The following SLC12A5 variants were observed in gnomAD, a reference collection of about 807,000 sequenced individuals.
The protein encoded by SLC12A5 is solute carrier family 12 member 5, also known as K-Cl cotransporter 2.
SLC12A5 carries 18 observed loss-of-function variants against 124.0 expected under a neutral mutation model. The observed-to-expected ratio is 0.15, with a 90% CI of 0.10 to 0.22. The LOEUF (loss-of-function observed/expected upper bound fraction) is 0.22, where lower values mean the gene tolerates loss of function less well. Among genes scored for constraint, SLC12A5 ranks in the 10% least tolerant of loss-of-function variants. The pLI, the probability that SLC12A5 is intolerant of heterozygous loss-of-function variation, is 1.00. For synonymous variants in SLC12A5, 589 were observed against 568.0 expected, an observed-to-expected ratio of 1.04 and a Z score of -0.53; for missense variants, 867 against 1,478.7, an observed-to-expected ratio of 0.59 and a Z score of 6.78.
At position 46,059,924 on chromosome 20, in the gene SLC12A5, C is replaced by T; in HGVS notation, c.*2319C>T. ...AAATCAAGAGTATTTATTACTATTA[C>T]TGCTATTATTATTAGGCCTGCCTTT... On this transcript the variant is annotated 3_prime_UTR_variant, in exon 26 of 26. Coordinates refer to ENST00000243964, the MANE Select transcript of SLC12A5 (RefSeq NM_020708.5). 6.4e-6 allele frequency: 2 copies of T among 312,590 alleles called. No homozygotes were observed. Among genetic ancestry groups the T allele is most frequent in the Non-Finnish European group, 1.2e-5 (2 of 172,090 alleles). 19.4% of individuals were successfully genotyped at this position (312,590 alleles called of 1,614,324 possible).
chr20:46,037,153 G>A, intron 5 of SLC12A5, 102 bp from the exon 6 acceptor site: 1 of 1,477,238 alleles, frequency 6.8e-7, no homozygotes, highest in East Asian at 2.3e-5. Flanking sequence ...AGCCTGTGAG[G>A]CCTGGAGCAA....
In SLC12A5 at chr20:46,058,828, C is replaced by T; in HGVS notation, c.*1223C>T. The T allele has an allele frequency of 2.5e-6, 1 of 397,880 alleles. No individual in the cohort carries two copies. The highest frequency in any genetic ancestry group is 3.6e-5 in the East Asian group (1 of 28,066). 24.6% of individuals were successfully genotyped at this position (397,880 alleles called of 1,614,324 possible). A position where few individuals can be genotyped will look rare whatever the true frequency, so the allele number is the denominator to read the frequency against. On this transcript the variant is annotated 3_prime_UTR_variant, in exon 26 of 26. Coordinates refer to ENST00000243964, the MANE Select transcript of SLC12A5 (RefSeq NM_020708.5). The surrounding 1 kb of genome is among the most constrained non-coding windows in gnomAD (Gnocchi z 5.8). ...ATGTTCCTCCCCCGTCCCCATCTGG[C>T]AGCTCCTGTCTCGCCTGAGGGACCC...
rs1397856493 is a variant in SLC12A5 at position 46,045,668 on chromosome 20, A to C, written c.1570-210A>C. ...CCCCTCTAGGGATCATTTGAACTTC[A>C]TGGCACTGGGGTGCCGATCTCAGGG... On this transcript the variant is annotated intron_variant, in intron 12 of 25. Transcript: ENST00000243964. This position sits in a 1 kb window ranked among gnomAD's most constrained non-coding sequence, Gnocchi z 4.9. Among the ~76,000 whole-genome samples, 1 of 152,066 alleles carries C rather than the reference A, an allele frequency of 6.6e-6. No individual in the cohort carries two copies. Among genetic ancestry groups the C allele is most frequent in the Non-Finnish European group, 1.5e-5 (1 of 67,990 alleles).
At chr20:46,031,526 C>T (rs1290121792) in intron 1 of SLC12A5, among the ~76,000 whole-genome samples, 1 of 152,210 alleles carries the variant, frequency 6.6e-6, no homozygotes, top group Admixed American at 6.5e-5. Flanking sequence ...GAACTGGTTG[C>T]TGACCTCGGG....
At chr20:46,036,842 G>C in intron 5 of SLC12A5, 47 bp downstream of exon 5, 1 of 1,608,196 alleles carries the variant, frequency 6.2e-7, no homozygotes, top group Non-Finnish European at 8.5e-7. Flanking sequence ...TGGGTGGAAG[G>C]AGGGATAGTG....
In SLC12A5 at chr20:46,060,139, T is replaced by C. The variant is rs562121519; in HGVS notation, c.*2534T>C. On this transcript the variant is annotated 3_prime_UTR_variant, in exon 26 of 26. Coordinates refer to ENST00000243964, the MANE Select transcript of SLC12A5 (RefSeq NM_020708.5). ...GCACAAAATGCAATAAAAATAATTT[T>C]ATTATACCCTTCATGGCCTGAGATG... 8 of 152,820 alleles carry C rather than the reference T, an allele frequency of 5.2e-5. No individual in the cohort carries two copies. Among genetic ancestry groups the C allele is most frequent in the African/African-American group, 1.9e-4 (8 of 41,572 alleles). 9.5% of individuals were successfully genotyped at this position (152,820 alleles called of 1,614,324 possible). A position where few individuals can be genotyped will look rare whatever the true frequency, so the allele number is the denominator to read the frequency against.
rs890065242 is a variant in SLC12A5, at chr20:46,035,225, C to G, written c.148-179C>G. The G allele has an allele frequency of 7.1e-6, 7 of 988,196 alleles. No homozygotes were observed. In the African/African-American group the frequency reaches 1.1e-4, roughly 16 times the overall value. The allele number at this position is 988,196 out of a possible 1,614,324, so 61.2% of individuals were successfully genotyped here. ...GGGATTTACTCCCTCTGCTCCCTGC[C>G]CTCTCCTCATCCTACCATTCTTACC... On this transcript the variant is annotated intron_variant, in intron 2 of 25. Coordinates refer to ENST00000243964, the MANE Select transcript of SLC12A5 (RefSeq NM_020708.5).
At position 46,051,722 on chromosome 20, in the gene SLC12A5, G is replaced by T; in HGVS notation, c.2229G>T (p.Gln743His). Residue 743 changes from glutamine (Q) to histidine (H), a missense_variant, in exon 18 of 26, where the codon CAG becomes CAT. By Grantham distance (24) the Gln-to-His change is conservative. This residue lies in a region of SLC12A5 where 110 missense variants were observed against 149.9 expected (regional missense o/e 0.73). Coordinates refer to ENST00000243964, the MANE Select transcript of SLC12A5 (RefSeq NM_020708.5). ...CAGAGAAGGTGAAGGGCTTCTGCCA[G>T]GTGGTGATCTCCTCCAACTTGCGTG... ...MEAEKVKGFC[Q>H]VVISSNLRDG... is the part of the protein sequence containing the mutation. 6.2e-7 allele frequency: 1 copy of T among 1,610,590 alleles called. No homozygotes were observed. The highest frequency in any genetic ancestry group is 8.5e-7 in the Non-Finnish European group (1 of 1,178,348).
intron 1 of SLC12A5, among the ~76,000 whole-genome samples, chr20:46,029,858 CTGTGTGTG>C (rs3080279): frequency 3.0e-5 from 4 of 133,000 alleles, no homozygotes; most frequent in Admixed American, 7.2e-5. Context: ...GAAGAGGTGG[CTGTGTGTG>C]TGTGTGTGTG....
In SLC12A5 at chr20:46,043,290, C is replaced by T. The variant is rs1600597195; in HGVS notation, c.1204C>T (p.Leu402=). 2 of 1,614,132 alleles carry T rather than the reference C, an allele frequency of 1.2e-6. No homozygotes were observed. Among genetic ancestry groups the T allele is most frequent in the South Asian group, 1.1e-5 (1 of 91,082 alleles). Residue 402 remains leucine, a synonymous_variant, in exon 9 of 26, where the codon CTG becomes TTG. Coordinates refer to ENST00000243964, the MANE Select transcript of SLC12A5 (RefSeq NM_020708.5). Reference sequence around the variant, plus strand: ...CAGTGATATGACCTCCTACTTCACCCTGCTGGTTGGCATCTACTTCCCCTC... The same window carrying T: ...CAGTGATATGACCTCCTACTTCACCTTGCTGGTTGGCATCTACTTCCCCTC... The part of the protein sequence containing the change: ...VFSDMTSYFT[L]LVGIYFPSVT...
chr20:46,022,869 G>A, intron 1 of SLC12A5: 2 of 398,778 alleles, frequency 5.0e-6, no homozygotes, highest in Non-Finnish European at 8.8e-6. Flanking sequence ...ACTCATCAGG[G>A]GTCCTCTCCC....
At chr20:46,026,660 A>C (rs2084402367), upstream of SLC12A5, among the ~76,000 whole-genome samples, 1 of 152,372 alleles carries the variant, frequency 6.6e-6, no homozygotes, top group Non-Finnish European at 1.5e-5. Context: ...CAGAGCAGGA[A>C]GAAGTGCCAT....
chr20:46,040,474 C>T lies in SLC12A5; in HGVS notation c.714C>T (p.Leu238=). 1 of 1,614,260 alleles carries T rather than the reference C, an allele frequency of 6.2e-7. No individual in the cohort carries two copies. The highest frequency in any genetic ancestry group is 8.5e-7 in the Non-Finnish European group (1 of 1,180,050). The change falls in exon 7 of 26, where the codon CTC becomes CTT. Residue 238 remains leucine, a synonymous_variant. Coordinates refer to ENST00000243964, the MANE Select transcript of SLC12A5 (RefSeq NM_020708.5). The part of the protein sequence containing the change: ...NNMRVYGTCV[L]TCMATVVFVG... ...TGCGTGTTTACGGCACCTGTGTGCT[C>T]ACCTGCATGGCCACTGTGGTGTTTG...
rs2084721274 is a variant in SLC12A5 at position 46,058,735 on chromosome 20, GTGAGGGAGGAGGGGGCCGA to G, written c.*1132_*1150del. The G allele has an allele frequency of 5.0e-6, 2 of 399,006 alleles. No homozygotes were observed. The highest frequency in any genetic ancestry group is 8.8e-6 in the Non-Finnish European group (2 of 226,110). The allele number at this position is 399,006 out of a possible 1,614,324, so 24.7% of individuals were successfully genotyped here. On this transcript the variant is annotated 3_prime_UTR_variant, in exon 26 of 26. Transcript: ENST00000243964. The surrounding 1 kb of genome is among the most constrained non-coding windows in gnomAD (Gnocchi z 5.8). Reference sequence around the variant, plus strand: ...CCCCGGAGTTTCCTCCCTGGGACAAGTGAGGGAGGAGGGGGCCGATTCTGGTTTAGGGGCCGGACCCACT... The same window carrying G: ...CCCCGGAGTTTCCTCCCTGGGACAAGTTCTGGTTTAGGGGCCGGACCCACT...
chr20:46,053,874 T>TA lies in SLC12A5; in HGVS notation c.2679+169dup, dbSNP rs1265554510. Among the ~76,000 whole-genome samples the TA allele has an allele frequency of 2.0e-5, 3 of 152,316 alleles. No homozygotes were observed. Among genetic ancestry groups the TA allele is most frequent in the East Asian group, 3.9e-4 (2 of 5,188 alleles). On this transcript the variant is annotated intron_variant, in intron 20 of 25. Coordinates refer to ENST00000243964, the MANE Select transcript of SLC12A5 (RefSeq NM_020708.5). The surrounding 1 kb of genome is among the most constrained non-coding windows in gnomAD (Gnocchi z 4.7). The stretch of plus-strand genomic sequence containing the variant: ...TATTCAGCCATCCCTCCCTTCTCTA[T>TA]AAAAGTAGCCATGTCTAGTGCTTAT...
intron 1 of SLC12A5, among the ~76,000 whole-genome samples, chr20:46,032,624 G>A (rs758208481): frequency 6.6e-6 from 1 of 152,204 alleles, no homozygotes; most frequent in Non-Finnish European, 1.5e-5. Context: ...TGCAAAGGAG[G>A]AAACTGAGGC....
Position 46,056,700 on chromosome 20 carries a change from AT to A in SLC12A5, c.3110+137del. The A allele has an allele frequency of 8.7e-7, 1 of 1,151,366 alleles. No homozygotes were observed. Among genetic ancestry groups the A allele is most frequent in the Non-Finnish European group, 1.2e-6 (1 of 808,368 alleles). 71.3% of individuals were successfully genotyped at this position (1,151,366 alleles called of 1,614,324 possible). On this transcript the variant is annotated intron_variant, in intron 23 of 25. Coordinates refer to ENST00000243964, the MANE Select transcript of SLC12A5 (RefSeq NM_020708.5). This position sits in a 1 kb window ranked among gnomAD's most constrained non-coding sequence, Gnocchi z 4.3. ...GCTCAGACATTGTCTTGGTTTCTCCATCTGAGGACTTAGGGGGTTGGGCCCC... is the reference window on the plus strand; with the variant it reads ...GCTCAGACATTGTCTTGGTTTCTCCACTGAGGACTTAGGGGGTTGGGCCCC...
chr20:46,029,549 T>C (rs952085636), intron 1 of SLC12A5, among the ~76,000 whole-genome samples, 153 bp downstream of exon 1: 1 of 151,926 alleles, frequency 6.6e-6, no homozygotes, highest in Non-Finnish European at 1.5e-5. Context: ...CTCAGCTCCA[T>C]TGGAATGCTC....
At chr20:46,025,869 C>T (rs6073990), upstream of SLC12A5, among the ~76,000 whole-genome samples, 74,488 of 151,844 alleles carry the variant, frequency 0.49, 18,597 homozygotes, top group East Asian at 0.76. Flanking sequence ...CCACAGCCAG[C>T]GGTGGGTGGG....
Sources: allele counts gnomAD v4.1 joint callset (sites outside exome capture counted in the v4.1 genomes callset), GRCh38; gene constraint gnomAD v4.1.1; regional missense constraint gnomAD v4.1.1; non-coding constraint Gnocchi (gnomAD v3.1); transcripts MANE v1.5; gene names NCBI Gene and HGNC (gene_info 2026-07-23, HGNC 2026-07-21).